VPS8: variants seen among roughly 807,000 people sequenced by gnomAD.
VPS8 encodes the protein vacuolar protein sorting-associated protein 8 homolog.
In VPS8, 129 loss-of-function variants were observed where a neutral mutation model predicts 216.4. The observed-to-expected ratio is 0.60, with a 90% CI of 0.52 to 0.69. The LOEUF (loss-of-function observed/expected upper bound fraction) is 0.69, where lower values mean the gene tolerates loss of function less well. Among genes scored for constraint, VPS8 ranks in the 30% least tolerant of loss-of-function variants. The probability of loss-of-function intolerance (pLI) is 0.00; values close to 1 mark genes in which losing one functional copy is unlikely to be tolerated. For synonymous variants in VPS8, 571 were observed against 565.4 expected, an observed-to-expected ratio of 1.01 and a Z score of -0.14; for missense variants, 1,531 against 1,683.5, an observed-to-expected ratio of 0.91 and a Z score of 1.59.
intron 31 of VPS8, among the ~76,000 whole-genome samples, chr3:184,927,118 T>C (rs571084515): frequency 5.3e-5 from 8 of 152,284 alleles, no homozygotes; most frequent in African/African-American, 1.9e-4. Flanking sequence ...CCGCTAATTA[T>C]CATGAGATAG....
At chr3:184,847,697 C>T (rs763962012) in intron 8 of VPS8, among the ~76,000 whole-genome samples, 65 of 152,138 alleles carry the variant, frequency 4.3e-4, no homozygotes, top group Non-Finnish European at 9.1e-4. Flanking sequence ...TCATTGTTTT[C>T]AAGTGGGTAT....
intron 8 of VPS8, 73 bp downstream of exon 8, chr3:184,843,318 A>G (rs950458997): frequency 8.1e-6 from 9 of 1,112,132 alleles, no homozygotes; most frequent in African/African-American, 1.6e-5. Context: ...AATGCTACCA[A>G]TTATAGTCAA....
chr3:184,839,447 G>C (rs1469729991), intron 6 of VPS8: 1 of 399,330 alleles, frequency 2.5e-6, no homozygotes, highest in African/African-American at 2.1e-5. Context: ...TAAGTGGCAT[G>C]TTATTGCCTA....
intron 42 of VPS8, among the ~76,000 whole-genome samples, chr3:184,984,779 A>G (rs1456028089): frequency 6.6e-6 from 1 of 152,212 alleles, no homozygotes; most frequent in Admixed American, 6.5e-5. Context: ...AAGAAATGAA[A>G]TCATAAAGCC....
chr3:184,992,183 C>A (rs1751988778), intron 42 of VPS8, among the ~76,000 whole-genome samples: 1 of 152,106 alleles, frequency 6.6e-6, no homozygotes, highest in African/African-American at 2.4e-5. Flanking sequence ...AAAAGCAAAT[C>A]CTGAGACAAT....
At chr3:184,881,709 A>C (rs1019840316) in intron 21 of VPS8, among the ~76,000 whole-genome samples, 1 of 152,118 alleles carries the variant, frequency 6.6e-6, no homozygotes, top group South Asian at 2.1e-4. Flanking sequence ...AATTACATTA[A>C]ACACATCAGT....
intron 45 of VPS8, among the ~76,000 whole-genome samples, chr3:185,023,713 G>A (rs187389571): frequency 5.3e-5 from 8 of 152,048 alleles, no homozygotes; most frequent in East Asian, 3.9e-4. Context: ...GCATATTGTC[G>A]CCATCCTTTT....
chr3:184,886,013 C>G, intron 21 of VPS8, 97 bp from the exon 22 acceptor site: 1 of 1,339,384 alleles, frequency 7.5e-7, no homozygotes, highest in South Asian at 1.3e-5. Flanking sequence ...GTTATATCCT[C>G]CTAACAATCT....
At chr3:184,943,959 G>A (rs779540532) in intron 36 of VPS8, among the ~76,000 whole-genome samples, 9 of 151,964 alleles carry the variant, frequency 5.9e-5, no homozygotes, top group Non-Finnish European at 8.8e-5. Flanking sequence ...AAAATTAGCC[G>A]GGCGTGGTCA....
intron 35 of VPS8, among the ~76,000 whole-genome samples, chr3:184,937,444 T>A (rs1052363164): frequency 6.6e-6 from 1 of 152,208 alleles, no homozygotes; most frequent in African/African-American, 2.4e-5. Flanking sequence ...TTAGTGCTGC[T>A]CTACTCTCTA....
chr3:184,928,030 C>T (rs1383744659), intron 31 of VPS8, among the ~76,000 whole-genome samples: 1 of 152,120 alleles, frequency 6.6e-6, no homozygotes, highest in Non-Finnish European at 1.5e-5. Context: ...TATGAAAAGC[C>T]CCAATACTTA....
At chr3:184,907,824 G>T (rs1266669378) in intron 25 of VPS8, among the ~76,000 whole-genome samples, 1 of 152,100 alleles carries the variant, frequency 6.6e-6, no homozygotes, top group Non-Finnish European at 1.5e-5. Context: ...GGAATTTTCA[G>T]TTCTTTGGCA....
chr3:184,922,180 A>T (rs952530449), intron 29 of VPS8, among the ~76,000 whole-genome samples: 1 of 152,190 alleles, frequency 6.6e-6, no homozygotes, highest in African/African-American at 2.4e-5. Context: ...GCAAGTTCCT[A>T]ATCATTTTCC....
intron 5 of VPS8, chr3:184,836,148 T>C (rs1453062479): frequency 2.5e-6 from 1 of 395,436 alleles, no homozygotes; most frequent in African/African-American, 2.1e-5. Flanking sequence ...CTATAACAAT[T>C]GGGGTATCCT....
intron 8 of VPS8, among the ~76,000 whole-genome samples, chr3:184,848,553 T>C (rs1226167987): frequency 6.6e-6 from 1 of 150,672 alleles, no homozygotes; most frequent in Admixed American, 6.6e-5. Flanking sequence ...ATCTTTTTTT[T>C]TTCCTGTATT....
At chr3:184,902,118 C>A (rs1315493105) in intron 25 of VPS8, among the ~76,000 whole-genome samples, 3 of 148,862 alleles carry the variant, frequency 2.0e-5, no homozygotes, top group Non-Finnish European at 3.0e-5. Context: ...TTAGCCCCCC[C>A]CCCCTTTTTT....
chr3:184,960,980 T>G (rs371998487), intron 37 of VPS8, among the ~76,000 whole-genome samples: 1 of 152,222 alleles, frequency 6.6e-6, no homozygotes, highest in South Asian at 2.1e-4. Context: ...TTTAGTAAAG[T>G]CAGCTTTATA....
At position 185,051,989 on chromosome 3, in the gene VPS8, G is replaced by A. The variant is rs1714359611; in HGVS notation, c.4251G>A (p.Gln1417=). ...GCATCTTCCAGAATGAGAACTTCCA[G>A]CTGCAGCTCATTCCTCCACCTGTGA... ...FNSIFQNENF[Q]LQLIPPPVTE... The change falls in exon 48 of 48, where the codon CAG becomes CAA. Residue 1417 remains glutamine, a synonymous_variant. Coordinates refer to ENST00000625842, the MANE Select transcript of VPS8 (RefSeq NM_001009921.3). 6.2e-7 allele frequency: 1 copy of A among 1,611,478 alleles called. No homozygotes were observed. The highest frequency in any genetic ancestry group is 2.2e-5 in the East Asian group (1 of 44,848).
At chr3:184,936,007 T>C (rs1373748250) in intron 34 of VPS8, among the ~76,000 whole-genome samples, 1 of 152,240 alleles carries the variant, frequency 6.6e-6, no homozygotes, top group Non-Finnish European at 1.5e-5. Context: ...GCTTTCATTT[T>C]CTAAGAATTC....
Sources: allele counts gnomAD v4.1 joint callset (sites outside exome capture counted in the v4.1 genomes callset), GRCh38; gene constraint gnomAD v4.1.1; transcripts MANE v1.5; gene names NCBI Gene and HGNC (gene_info 2026-07-23, HGNC 2026-07-21).